GAD2: variants seen among roughly 807,000 people sequenced by gnomAD.
GAD2 encodes 65 kDa glutamic acid decarboxylase.
In GAD2, 22 loss-of-function variants were observed where a neutral mutation model predicts 80.1. The ratio of observed to expected loss-of-function variants is 0.27; its 90% confidence interval spans 0.20 to 0.39. The LOEUF (loss-of-function observed/expected upper bound fraction) is 0.39, where lower values mean the gene tolerates loss of function less well. Among genes scored for constraint, GAD2 ranks in the 10% least tolerant of loss-of-function variants. The pLI is 1.00. For missense variants in GAD2, 624 were observed against 738.4 expected (o/e 0.85, Z 1.80); for synonymous variants, 274 against 256.9 (o/e 1.07, Z -0.64).
At chr10:26,256,307 T>A (rs1360160819) in intron 8 of GAD2, among the ~76,000 whole-genome samples, 2 of 152,108 alleles carry the variant, frequency 1.3e-5, no homozygotes, top group African/African-American at 4.8e-5. Flanking sequence ...CACGCTGTTT[T>A]ACCCCTTAAT....
chr10:26,284,936 C>G (rs911416251), intron 12 of GAD2, among the ~76,000 whole-genome samples: 15 of 152,092 alleles, frequency 9.9e-5, no homozygotes, highest in African/African-American at 3.6e-4. Context: ...TAGGTCTGAT[C>G]CATTCAGCAT....
intron 15 of GAD2, 78 bp from the exon 16 acceptor site, chr10:26,300,710 G>T (rs1443439435): frequency 1.5e-6 from 2 of 1,327,144 alleles, no homozygotes; most frequent in Non-Finnish European, 1.1e-6. Context: ...AACTAAAGAC[G>T]CTGCTTGCTG....
At chr10:26,284,179 A>G (rs1204207062) in intron 12 of GAD2, among the ~76,000 whole-genome samples, 1 of 152,190 alleles carries the variant, frequency 6.6e-6, no homozygotes, top group Admixed American at 6.6e-5. Context: ...CCAAGGAATA[A>G]TGCTGTTCCA....
At chr10:26,260,755 A>G (rs1009883016) in intron 8 of GAD2, among the ~76,000 whole-genome samples, 40 of 152,232 alleles carry the variant, frequency 2.6e-4, no homozygotes, top group African/African-American at 8.9e-4. Context: ...CCCCAGTACT[A>G]TAAAGGGGTG....
intron 14 of GAD2, 98 bp downstream of exon 14, chr10:26,292,670 G>A: frequency 2.1e-6 from 2 of 975,392 alleles, no homozygotes; most frequent in Non-Finnish European, 3.2e-6. Flanking sequence ...TAAGTGGGAC[G>A]ATTACAGAGG....
chr10:26,239,302 G>A (rs984767098), intron 7 of GAD2, among the ~76,000 whole-genome samples: 7 of 152,154 alleles, frequency 4.6e-5, no homozygotes, highest in African/African-American at 1.7e-4. Flanking sequence ...CCCTCTAGCA[G>A]CTGGCTTGGT....
intron 10 of GAD2, 67 bp downstream of exon 10, chr10:26,270,823 G>C: frequency 9.7e-7 from 1 of 1,033,756 alleles, no homozygotes; most frequent in Non-Finnish European, 1.5e-6. Flanking sequence ...ACACACAAAG[G>C]AAATTTGTTT....
intron 7 of GAD2, among the ~76,000 whole-genome samples, chr10:26,238,886 C>T (rs544150394): frequency 6.6e-6 from 1 of 151,964 alleles, no homozygotes; most frequent in South Asian, 2.1e-4. Flanking sequence ...TTAGGGTGTA[C>T]TGTATAGGAG....
chr10:26,245,844 A>G, intron 7 of GAD2, 77 bp from the exon 8 acceptor site: 1 of 1,167,734 alleles, frequency 8.6e-7, no homozygotes, highest in Non-Finnish European at 1.2e-6. Flanking sequence ...AAAAAGGAAA[A>G]CAGAAAACAA....
intron 7 of GAD2, among the ~76,000 whole-genome samples, chr10:26,238,049 A>AC: frequency 6.9e-6 from 1 of 145,506 alleles, no homozygotes; most frequent in African/African-American, 2.6e-5. Flanking sequence ...CACACACACA[A>AC]GAAAAGAAAG....
At chr10:26,225,155 CG>C (rs1844504712) in intron 6 of GAD2, among the ~76,000 whole-genome samples, 1 of 152,162 alleles carries the variant, frequency 6.6e-6, no homozygotes, top group Non-Finnish European at 1.5e-5. Flanking sequence ...GGACAGAGAA[CG>C]CTTTGGGAGA....
At chr10:26,281,641 T>G (rs1845273364) in intron 12 of GAD2, among the ~76,000 whole-genome samples, 1 of 152,200 alleles carries the variant, frequency 6.6e-6, no homozygotes, top group African/African-American at 2.4e-5. Context: ...GCATCCTTAT[T>G]AACCAGAAAA....
chr10:26,283,440 G>GC (rs1845295640), intron 12 of GAD2, among the ~76,000 whole-genome samples: 1 of 152,198 alleles, frequency 6.6e-6, no homozygotes, highest in Non-Finnish European at 1.5e-5. Flanking sequence ...GACAAGGAAG[G>GC]CTTGTTTCTA....
In GAD2 at chr10:26,219,942, C is replaced by A. The variant is rs554093050; in HGVS notation, c.520+666C>A. ...AGATAAAGAAAAAGGGGGGGAGGGGCAAATCAGATATCCTTAGGGGGAAAT... is the reference window on the plus strand; with the variant it reads ...AGATAAAGAAAAAGGGGGGGAGGGGAAAATCAGATATCCTTAGGGGGAAAT... On this transcript the variant is annotated intron_variant, in intron 4 of 15. Coordinates refer to ENST00000376261, the MANE Select transcript of GAD2 (RefSeq NM_001134366.2). Among the ~76,000 whole-genome samples the A allele has an allele frequency of 4.6e-5, 7 of 152,164 alleles. No homozygotes were observed. In the South Asian group the frequency reaches 1.5e-3, roughly 32 times the overall value.
At chr10:26,257,868 A>T (rs779422863) in intron 8 of GAD2, among the ~76,000 whole-genome samples, 67 of 152,310 alleles carry the variant, frequency 4.4e-4, no homozygotes, top group Non-Finnish European at 4.9e-4. Flanking sequence ...GTCGTTAGGG[A>T]TGCTAATTAA....
intron 11 of GAD2, among the ~76,000 whole-genome samples, chr10:26,278,033 C>T (rs1467711092): frequency 1.3e-5 from 2 of 152,010 alleles, no homozygotes; most frequent in Non-Finnish European, 2.9e-5. Flanking sequence ...GAAATCAAGT[C>T]CATGTCATCG....
At chr10:26,293,143 A>T in intron 15 of GAD2, 152 bp downstream of exon 15, 1 of 551,008 alleles carries the variant, frequency 1.8e-6, no homozygotes, top group Non-Finnish European at 3.2e-6. Flanking sequence ...CAGGACATAT[A>T]GAGCCTGATA....
chr10:26,293,408 C>A (rs1210436873), intron 15 of GAD2, among the ~76,000 whole-genome samples: 3 of 152,034 alleles, frequency 2.0e-5, no homozygotes, highest in African/African-American at 7.2e-5. Flanking sequence ...GAACTCCTGA[C>A]CTCAGGTGAT....
At chr10:26,259,408 C>T (rs1305399739) in intron 8 of GAD2, among the ~76,000 whole-genome samples, 1 of 151,976 alleles carries the variant, frequency 6.6e-6, no homozygotes, top group Admixed American at 6.6e-5. Flanking sequence ...TCATAGCAGC[C>T]TCTTTATGGG....
Sources: gnomAD v4.1 joint callset for allele counts (sites outside exome capture counted in the v4.1 genomes callset) on GRCh38, gnomAD v4.1.1 for gene constraint, MANE v1.5 for transcripts, NCBI Gene and HGNC (gene_info 2026-07-23, HGNC 2026-07-21) for gene names.